The following NEBL variants were observed in gnomAD, a reference collection of about 807,000 sequenced individuals.
NEBL encodes the protein LIM and SH3 protein 2.
In NEBL, 122 loss-of-function variants were observed where a neutral mutation model predicts 140.2. The observed-to-expected ratio is 0.87, with a 90% confidence interval of 0.75 to 1.01. NEBL has a LOEUF of 1.01. NEBL is among the 50% of genes least tolerant of loss of function. NEBL has a pLI of 0.00. For missense variants in NEBL, 1,365 were observed against 1,231.3 expected, an observed-to-expected ratio of 1.11 and a Z score of -1.62; for synonymous variants, 436 against 398.9, an observed-to-expected ratio of 1.09 and a Z score of -1.11.
At chr10:21,092,235 C>T (rs748248256) in intron 2 of NEBL, among the ~76,000 whole-genome samples, 5 of 152,158 alleles carry the variant, frequency 3.3e-5, no homozygotes, top group Non-Finnish European at 7.4e-5. Context: ...GCCATTCATT[C>T]ATTCATTCAT....
chr10:20,844,946 A>T (rs886182439), intron 12 of NEBL, among the ~76,000 whole-genome samples: 1 of 152,068 alleles, frequency 6.6e-6, no homozygotes, highest in Admixed American at 6.6e-5. Context: ...ACATTTTTTT[A>T]AAAACTGCTA....
intron 2 of NEBL, among the ~76,000 whole-genome samples, chr10:21,023,218 T>G (rs772533404): frequency 5.3e-5 from 8 of 152,208 alleles, no homozygotes; most frequent in Non-Finnish European, 1.0e-4. Context: ...GTCTCTACAA[T>G]GATTAATTTG....
chr10:20,873,590 G>C (rs931697708), intron 5 of NEBL, among the ~76,000 whole-genome samples: 9 of 152,144 alleles, frequency 5.9e-5, no homozygotes, highest in Middle Eastern at 3.4e-3. Context: ...CTCAATTTTA[G>C]ACTATTATGT....
chr10:20,885,748 C>T (rs967312514), intron 4 of NEBL, among the ~76,000 whole-genome samples: 1 of 152,102 alleles, frequency 6.6e-6, no homozygotes, highest in Non-Finnish European at 1.5e-5. Flanking sequence ...TTAATTGTTG[C>T]TTGTCACATA....
At chr10:21,063,494 T>C (rs1439157958) in intron 2 of NEBL, among the ~76,000 whole-genome samples, 3 of 152,188 alleles carry the variant, frequency 2.0e-5, no homozygotes, top group Non-Finnish European at 4.4e-5. Flanking sequence ...ATGAAATCCA[T>C]GGAAACATGA....
intron 3 of NEBL, among the ~76,000 whole-genome samples, chr10:21,233,846 TTACATATATAGATATATA>T (rs1842304351): frequency 1.0e-5 from 1 of 98,182 alleles, no homozygotes; most frequent in Non-Finnish European, 2.5e-5. Flanking sequence ...TGGATATATA[TTACATATATAGATATATA>T]TTACATATAT....
chr10:20,924,413 T>TAA (rs71390800), intron 4 of NEBL, among the ~76,000 whole-genome samples: 2,415 of 58,936 alleles, frequency 0.041, 134 homozygotes, highest in East Asian at 0.051. Context: ...AGGCATGAAG[T>TAA]AAAAAAAAAA....
chr10:20,865,465 C>T (rs1440670789), intron 7 of NEBL, among the ~76,000 whole-genome samples: 1 of 152,080 alleles, frequency 6.6e-6, no homozygotes, highest in South Asian at 2.1e-4. Context: ...GAGTTTAACC[C>T]AGGTACAGCC....
At chr10:20,815,129 T>A (rs1838594522) in intron 22 of NEBL, among the ~76,000 whole-genome samples, 2 of 152,230 alleles carry the variant, frequency 1.3e-5, no homozygotes, top group African/African-American at 2.4e-5. Context: ...AATATTCAGA[T>A]AAGATACTCA....
intron 3 of NEBL, among the ~76,000 whole-genome samples, chr10:21,242,973 G>T (rs905322876): frequency 1.3e-5 from 2 of 152,156 alleles, no homozygotes; most frequent in Non-Finnish European, 2.9e-5. Flanking sequence ...TCCTTTGGGT[G>T]GCAGGGTTTT....
intron 3 of NEBL, among the ~76,000 whole-genome samples, chr10:21,014,976 G>T (rs2131750841): frequency 6.6e-6 from 1 of 152,292 alleles, no homozygotes; most frequent in Middle Eastern, 3.4e-3. Context: ...GTTCCAGAAT[G>T]ATTTGCATTC....
chr10:21,042,103 C>T (rs1409593179), intron 2 of NEBL, among the ~76,000 whole-genome samples: 2 of 152,262 alleles, frequency 1.3e-5, no homozygotes, highest in East Asian at 3.9e-4. Context: ...ACTAAGAATG[C>T]CCAACTTCCA....
chr10:21,127,626 G>A (rs1240392511), intron 2 of NEBL, among the ~76,000 whole-genome samples: 1 of 151,894 alleles, frequency 6.6e-6, no homozygotes. Flanking sequence ...GAGTTTATAT[G>A]AAACATGGGG....
intron 3 of NEBL, among the ~76,000 whole-genome samples, chr10:21,224,857 T>C (rs1258796325): frequency 6.6e-6 from 1 of 152,252 alleles, no homozygotes; most frequent in Non-Finnish European, 1.5e-5. Flanking sequence ...TGGTTTTGTA[T>C]CCTGCAACTT....
intron 2 of NEBL, among the ~76,000 whole-genome samples, chr10:21,105,461 T>G (rs1002802808): frequency 6.6e-6 from 1 of 152,124 alleles, no homozygotes; most frequent in East Asian, 1.9e-4. Context: ...CTTGTGATAG[T>G]TTGCTTAGAA....
rs1017159589 is a variant in NEBL at position 20,780,379 on chromosome 10, C to T, written c.*5368G>A. 1.3e-5 allele frequency: 2 copies of T among 152,130 alleles called. No individual in the cohort carries two copies. Among genetic ancestry groups the T allele is most frequent in the African/African-American group, 2.4e-5 (1 of 41,420 alleles). 9.4% of individuals were successfully genotyped at this position (152,130 alleles called of 1,614,324 possible). On this transcript the variant is annotated 3_prime_UTR_variant, in exon 28 of 28. Coordinates refer to ENST00000377122, the MANE Select transcript of NEBL (RefSeq NM_006393.3). ...ACTACAATGATGCATTGTTGCGGTA[C>T]TTTGATATAAAATCAGAAAGATACT...
intron 26 of NEBL, among the ~76,000 whole-genome samples, chr10:20,791,027 C>A (rs948515514): frequency 6.6e-6 from 1 of 152,156 alleles, no homozygotes; most frequent in Non-Finnish European, 1.5e-5. Context: ...CTTTTCTAAC[C>A]AAAGAGTTTG....
intron 3 of NEBL, among the ~76,000 whole-genome samples, chr10:21,015,182 T>C (rs1478986591): frequency 6.6e-6 from 1 of 151,966 alleles, no homozygotes; most frequent in East Asian, 1.9e-4. Context: ...AAAACCATGC[T>C]CTACAGAAGA....
chr10:21,260,974 G>A (rs1018172004), intron 1 of NEBL, among the ~76,000 whole-genome samples: 2 of 150,340 alleles, frequency 1.3e-5, no homozygotes, highest in Non-Finnish European at 3.0e-5. Context: ...CTCGCAAGCA[G>A]GAAGCATTTC....
Sources: allele counts gnomAD v4.1 joint callset (sites outside exome capture counted in the v4.1 genomes callset), GRCh38; gene constraint gnomAD v4.1.1; transcripts MANE v1.5; gene names NCBI Gene and HGNC (gene_info 2026-07-23, HGNC 2026-07-21).